AUTS2: variants seen among roughly 807,000 people sequenced by gnomAD.
AUTS2 encodes the protein autism susceptibility gene 2 protein.
In AUTS2, 17 loss-of-function variants were observed where a neutral mutation model predicts 112.4. That is an observed-to-expected ratio of 0.15 (90% CI 0.10 to 0.23). AUTS2 has a LOEUF of 0.23. Ranked by LOEUF, AUTS2 falls within the 10% of genes least tolerant of loss-of-function variation. The pLI is 1.00. For synonymous variants in AUTS2, 751 were observed against 702.7 expected (o/e 1.07, Z -1.09); for missense variants, 1,510 against 1,701.6 (o/e 0.89, Z 1.98).
chr7:69,725,819 A>G (rs749453606), intron 1 of AUTS2, among the ~76,000 whole-genome samples: 6 of 152,190 alleles, frequency 3.9e-5, no homozygotes, highest in Non-Finnish European at 5.9e-5. Context: ...CCAGGATACA[A>G]TCAGTTCATG....
chr7:69,987,611 G>A (rs913776289), intron 2 of AUTS2, among the ~76,000 whole-genome samples: 5 of 152,074 alleles, frequency 3.3e-5, no homozygotes, highest in African/African-American at 7.2e-5. Flanking sequence ...GACTACAGGT[G>A]TGCGCCACTA....
chr7:70,767,662 G>A (rs1790024409), intron 9 of AUTS2, among the ~76,000 whole-genome samples: 1 of 152,184 alleles, frequency 6.6e-6, no homozygotes, highest in African/African-American at 2.4e-5. Flanking sequence ...GATGAAAATA[G>A]GGGGAATTCA....
intron 1 of AUTS2, among the ~76,000 whole-genome samples, chr7:69,847,920 G>C (rs1792283610): frequency 6.6e-6 from 1 of 152,132 alleles, no homozygotes; most frequent in Non-Finnish European, 1.5e-5. Context: ...TCACTTCCCA[G>C]TTTCTTCCTT....
At chr7:69,980,438 T>C (rs1473385986) in intron 2 of AUTS2, among the ~76,000 whole-genome samples, 1 of 152,192 alleles carries the variant, frequency 6.6e-6, no homozygotes, top group African/African-American at 2.4e-5. Flanking sequence ...AGGATAGTTG[T>C]GTGGAGAAAG....
chr7:69,618,838 T>C (rs1032035819), intron 1 of AUTS2, among the ~76,000 whole-genome samples: 1 of 152,180 alleles, frequency 6.6e-6, no homozygotes, highest in African/African-American at 2.4e-5. Flanking sequence ...GGAACCACAG[T>C]CAACCGTAAG....
chr7:70,273,901 A>T lies in AUTS2; in HGVS notation c.660+139330A>T, dbSNP rs17683984. ...TAGGCTATTTATAAGAGAAGATTTT[A>T]AAAATATTGCTCCATGTCTGTACTT... is the stretch of plus-strand genomic sequence containing the variant. On this transcript the variant is annotated intron_variant, in intron 4 of 18. Transcript: ENST00000342771. Among the ~76,000 whole-genome samples the T allele has an allele frequency of 1.5e-3, 232 of 152,364 alleles. 1 individual carries two copies. In the East Asian group the frequency reaches 0.024, roughly 16 times the overall value.
intron 4 of AUTS2, among the ~76,000 whole-genome samples, chr7:70,262,133 A>G (rs1584946502): frequency 6.6e-6 from 1 of 152,296 alleles, no homozygotes; most frequent in Non-Finnish European, 1.5e-5. Context: ...TTCTATGGCT[A>G]TTGTCTTTAA....
chr7:70,649,499 A>T (rs1416300003), intron 5 of AUTS2, among the ~76,000 whole-genome samples: 11 of 115,968 alleles, frequency 9.5e-5, no homozygotes, highest in African/African-American at 3.0e-4. Context: ...GTGGTGATTT[A>T]TTTTATTTAT....
intron 4 of AUTS2, among the ~76,000 whole-genome samples, chr7:70,147,112 C>G (rs1807167162): frequency 6.6e-6 from 1 of 151,748 alleles, no homozygotes; most frequent in Admixed American, 6.6e-5. Flanking sequence ...GTCCCAGCTG[C>G]TTGGGAGGCT....
At chr7:70,517,961 G>T (rs556331142) in intron 5 of AUTS2, among the ~76,000 whole-genome samples, 1 of 152,292 alleles carries the variant, frequency 6.6e-6, no homozygotes, top group South Asian at 2.1e-4. Context: ...GAAATGAGTG[G>T]AAGTGAAATG....
At chr7:70,157,535 G>C (rs574881927) in intron 4 of AUTS2, among the ~76,000 whole-genome samples, 1 of 152,026 alleles carries the variant, frequency 6.6e-6, no homozygotes, top group South Asian at 2.1e-4. Flanking sequence ...GCCCAGACTG[G>C]TGTTGAACTC....
At chr7:70,090,869 G>T (rs1803879600) in intron 2 of AUTS2, among the ~76,000 whole-genome samples, 1 of 151,910 alleles carries the variant, frequency 6.6e-6, no homozygotes, top group Non-Finnish European at 1.5e-5. Flanking sequence ...AGTAGAGATG[G>T]GGTTTCACCA....
intron 5 of AUTS2, among the ~76,000 whole-genome samples, chr7:70,628,071 A>G (rs923202350): frequency 6.6e-6 from 1 of 152,188 alleles, no homozygotes; most frequent in Non-Finnish European, 1.5e-5. Flanking sequence ...ATCTATAAGT[A>G]GAAATTTCTA....
At chr7:70,444,505 T>C (rs1026279374) in intron 5 of AUTS2, among the ~76,000 whole-genome samples, 6 of 152,132 alleles carry the variant, frequency 3.9e-5, no homozygotes, top group Admixed American at 1.3e-4. Flanking sequence ...TATATTAGGA[T>C]GTGTTAATAA....
chr7:69,799,252 A>C (rs1378678751), intron 1 of AUTS2, among the ~76,000 whole-genome samples: 1 of 152,080 alleles, frequency 6.6e-6, no homozygotes, highest in Non-Finnish European at 1.5e-5. Context: ...AGATTCACTG[A>C]ATGAGAATGC....
At chr7:69,815,780 T>C (rs1311081395) in intron 1 of AUTS2, among the ~76,000 whole-genome samples, 1 of 152,236 alleles carries the variant, frequency 6.6e-6, no homozygotes, top group Non-Finnish European at 1.5e-5. Context: ...CCCAAAGTGC[T>C]GGGATTACAG....
At chr7:70,318,660 G>A (rs1790113144) in intron 4 of AUTS2, among the ~76,000 whole-genome samples, 1 of 152,190 alleles carries the variant, frequency 6.6e-6, no homozygotes, top group South Asian at 2.1e-4. Flanking sequence ...TGGGTGTTGA[G>A]ACCACATGAA....
intron 1 of AUTS2, among the ~76,000 whole-genome samples, chr7:69,835,502 G>A (rs1453084880): frequency 6.6e-6 from 1 of 152,130 alleles, no homozygotes; most frequent in Non-Finnish European, 1.5e-5. Context: ...GGGAAAATAC[G>A]GAGATAAATG....
chr7:69,816,454 T>G (rs1790766646), intron 1 of AUTS2, among the ~76,000 whole-genome samples: 1 of 152,168 alleles, frequency 6.6e-6, no homozygotes, highest in Non-Finnish European at 1.5e-5. Flanking sequence ...AAACGAAGGT[T>G]GGCTTCACAC....
Sources: gnomAD v4.1 joint callset for allele counts (sites outside exome capture counted in the v4.1 genomes callset) on GRCh38, gnomAD v4.1.1 for gene constraint, MANE v1.5 for transcripts, NCBI Gene and HGNC (gene_info 2026-07-23, HGNC 2026-07-21) for gene names.